The following SLC12A1 variants were observed in gnomAD, a reference collection of about 807,000 sequenced individuals.
The protein encoded by SLC12A1 is solute carrier family 12 member 1, also known as Na-K-2Cl cotransporter.
Under a neutral mutation model 130.4 loss-of-function variants are expected in SLC12A1, and 89 were observed. The observed-to-expected ratio is 0.68, with a 90% CI of 0.58 to 0.81. The LOEUF (loss-of-function observed/expected upper bound fraction) is 0.81. Ranked by LOEUF, SLC12A1 falls within the 40% of genes least tolerant of loss-of-function variation. SLC12A1 has a pLI of 0.00. For synonymous variants in SLC12A1, 499 were observed against 460.0 expected (o/e 1.08, Z -1.09); for missense variants, 1,310 against 1,336.4 (o/e 0.98, Z 0.31).
intron 2 of SLC12A1, among the ~76,000 whole-genome samples, chr15:48,218,310 G>T (rs1448468700): frequency 6.6e-6 from 1 of 152,050 alleles, no homozygotes; most frequent in Non-Finnish European, 1.5e-5. Flanking sequence ...CATGAACAAG[G>T]TCTCAAGAAA....
intron 20 of SLC12A1, among the ~76,000 whole-genome samples, chr15:48,276,898 A>C (rs1353953891): frequency 6.6e-6 from 1 of 152,206 alleles, no homozygotes; most frequent in Non-Finnish European, 1.5e-5. Flanking sequence ...GGGGAGAATA[A>C]TCAACATTGC....
intron 2 of SLC12A1, among the ~76,000 whole-genome samples, chr15:48,218,461 C>T (rs531178473): frequency 2.0e-5 from 3 of 152,116 alleles, no homozygotes. Context: ...AGTATAGAGG[C>T]CAAATGAGGG....
At chr15:48,239,275 G>T (rs980059023) in intron 9 of SLC12A1, among the ~76,000 whole-genome samples, 4 of 152,048 alleles carry the variant, frequency 2.6e-5, no homozygotes, top group African/African-American at 9.7e-5. Flanking sequence ...ACTTTGGGAG[G>T]CCCAGGTGGG....
chr15:48,288,572 CTTTAAT>C (rs2042084911), intron 23 of SLC12A1, 56 bp downstream of exon 23: 5 of 833,818 alleles, frequency 6.0e-6, no homozygotes, highest in Non-Finnish European at 8.0e-6. Flanking sequence ...TGCTTTAATG[CTTTAAT>C]TTTAATAACT....
intron 17 of SLC12A1, among the ~76,000 whole-genome samples, chr15:48,263,232 A>T (rs932152763): frequency 1.3e-5 from 2 of 152,198 alleles, no homozygotes; most frequent in Non-Finnish European, 2.9e-5. Context: ...AGTTAATTGA[A>T]TTGAAAGTCG....
intron 1 of SLC12A1, 72 bp downstream of exon 1, chr15:48,206,402 A>G (rs1287113190): frequency 6.6e-6 from 1 of 152,234 alleles, no homozygotes; most frequent in South Asian, 2.1e-4. Flanking sequence ...TCTGAGGAGT[A>G]GGTGAGGGTG....
Position 48,284,671 on chromosome 15 carries a change from A to G in SLC12A1, c.2486-435A>G, listed in dbSNP as rs546714978. The stretch of plus-strand genomic sequence containing the variant: ...TCTTTTCTTTTGGAGACACGATCTC[A>G]CTCTATTGCCCAGGCTGCAGTGCAG... On this transcript the variant is annotated intron_variant, in intron 20 of 26. Transcript: ENST00000380993. Among the ~76,000 whole-genome samples the G allele has an allele frequency of 2.0e-5, 3 of 152,236 alleles. No homozygotes were observed. In the South Asian group the frequency reaches 6.2e-4, roughly 32 times the overall value.
chr15:48,207,724 C>T lies in SLC12A1; in HGVS notation c.5C>T (p.Ser2Leu). ...GTAAAAAATCAATTTTGGAAGATGT[C>T]ACTGAACAACTCTTCCAATGTATTT... The part of the protein sequence containing the change: M[S>L]LNNSSNVFLD... The change falls in exon 2 of 27, where the codon TCA becomes TTA. Residue 2 changes from serine (S) to leucine (L), a missense_variant. By Grantham distance (145) the Ser-to-Leu change is moderately radical. Coordinates refer to ENST00000380993, the MANE Select transcript of SLC12A1 (RefSeq NM_000338.3). 1 of 1,560,354 alleles carries T rather than the reference C, an allele frequency of 6.4e-7. No homozygotes were observed. The highest frequency in any genetic ancestry group is 1.2e-5 in the South Asian group (1 of 80,642).
rs1327738734 is a variant in SLC12A1 at position 48,247,470 on chromosome 15, G to A, written c.1684+10G>A. ...GCATTTATTCTTATTGGTTTGTAAA[G>A]TTTTCTTGTTTTTATTGAAAACCAA... On this transcript the variant is annotated intron_variant, in intron 13 of 26. Transcript: ENST00000380993. 6.3e-7 allele frequency: 1 copy of A among 1,581,354 alleles called. No homozygotes were observed. The highest frequency in any genetic ancestry group is 8.6e-7 in the Non-Finnish European group (1 of 1,161,460).
intron 19 of SLC12A1, among the ~76,000 whole-genome samples, chr15:48,273,569 T>C (rs2041920307): frequency 6.6e-6 from 1 of 152,220 alleles, no homozygotes; most frequent in Non-Finnish European, 1.5e-5. Flanking sequence ...TGTCTACTTT[T>C]TATAATTGAG....
At chr15:48,234,228 G>C (rs2041412847) in intron 8 of SLC12A1, among the ~76,000 whole-genome samples, 1 of 151,936 alleles carries the variant, frequency 6.6e-6, no homozygotes, top group African/African-American at 2.4e-5. Context: ...TGCATTTGTG[G>C]GTATGCCAGT....
intron 23 of SLC12A1, among the ~76,000 whole-genome samples, chr15:48,289,425 AT>A (rs1566857973): frequency 0.016 from 1,602 of 97,830 alleles, 41 homozygotes; most frequent in African/African-American, 0.051. Context: ...ATATATATAT[AT>A]ATAATGTATA....
intron 24 of SLC12A1, among the ~76,000 whole-genome samples, chr15:48,296,509 GA>G (rs1341455583): frequency 1.3e-5 from 2 of 152,190 alleles, no homozygotes; most frequent in Non-Finnish European, 2.9e-5. Context: ...AGAGAAACTA[GA>G]AGCAATTAAG....
chr15:48,216,832 T>C (rs1346755297), intron 2 of SLC12A1, among the ~76,000 whole-genome samples: 1 of 152,210 alleles, frequency 6.6e-6, no homozygotes, highest in Non-Finnish European at 1.5e-5. Context: ...TCAGCTGCCG[T>C]ATGTGTATAG....
In SLC12A1 at chr15:48,299,302, T is replaced by G. The variant is rs2042208351; in HGVS notation, c.3096+27T>G. 1.4e-5 allele frequency: 21 copies of G among 1,549,976 alleles called. No homozygotes were observed. The East Asian group carries it at 4.9e-4, about 36-fold the overall frequency. ...TAAGGATTTGTCTTTCTTAATTTTT[T>G]TGCTGTCTAACTAGCTGAGAAAGGA... On this transcript the variant is annotated intron_variant, in intron 25 of 26. Coordinates refer to ENST00000380993, the MANE Select transcript of SLC12A1 (RefSeq NM_000338.3).
chr15:48,269,182 G>A (rs1351429769), intron 18 of SLC12A1, among the ~76,000 whole-genome samples: 4 of 152,122 alleles, frequency 2.6e-5, no homozygotes, highest in Non-Finnish European at 1.5e-5. Flanking sequence ...ATTAGGTTTT[G>A]GAAACATAAT....
rs1266771067 is a variant in SLC12A1 at position 48,289,431 on chromosome 15, TG to T, written c.2873+916del. On this transcript the variant is annotated intron_variant, in intron 23 of 26. Coordinates refer to ENST00000380993, the MANE Select transcript of SLC12A1 (RefSeq NM_000338.3). Reference sequence around the variant, plus strand: ...TATATATATATATATATATATATAATGTATAACTATGTATAACTGTATAATG... The same window carrying T: ...TATATATATATATATATATATATAATTATAACTATGTATAACTGTATAATG... Among the ~76,000 whole-genome samples the T allele has an allele frequency of 1.5e-4, 18 of 122,272 alleles. 1 individual carries two copies. Among genetic ancestry groups the T allele is most frequent in the East Asian group, 7.7e-4 (3 of 3,920 alleles). The allele number at this position is 122,272 out of a possible 152,430, so 80.2% of individuals were successfully genotyped here.
In SLC12A1 at chr15:48,250,742, A is replaced by G. The variant is rs914239279; in HGVS notation, c.1787-873A>G. ...GCCAGACTCAGAGAAAAATAAGACT[A>G]TTTTCAATGATGTTCTTGAAGTGCT... On this transcript the variant is annotated intron_variant, in intron 14 of 26. Coordinates refer to ENST00000380993, the MANE Select transcript of SLC12A1 (RefSeq NM_000338.3). Among the ~76,000 whole-genome samples, 2 of 150,648 alleles carry G rather than the reference A, an allele frequency of 1.3e-5. 1 individual carries two copies. The highest frequency in any genetic ancestry group is 1.3e-4 in the Admixed American group (2 of 15,100).
chr15:48,270,635 T>G (rs1172872988), intron 19 of SLC12A1, among the ~76,000 whole-genome samples: 1 of 140,380 alleles, frequency 7.1e-6, no homozygotes, highest in Admixed American at 7.6e-5. Context: ...TATTACATAC[T>G]CCAAAGTATT....
Sources: allele counts gnomAD v4.1 joint callset (sites outside exome capture counted in the v4.1 genomes callset), GRCh38; gene constraint gnomAD v4.1.1; transcripts MANE v1.5; gene names NCBI Gene and HGNC (gene_info 2026-07-23, HGNC 2026-07-21).